FSTL5: variants seen among roughly 807,000 people sequenced by gnomAD.
The protein encoded by FSTL5 is follistatin like 5.
Under a neutral mutation model 89.1 loss-of-function variants are expected in FSTL5, and 62 were observed. The ratio of observed to expected loss-of-function variants is 0.70; its 90% confidence interval spans 0.57 to 0.86. FSTL5 has a LOEUF of 0.86. FSTL5 is among the 40% of genes least tolerant of loss of function. The probability of loss-of-function intolerance (pLI) is 0.00; values close to 1 mark genes in which losing one functional copy is unlikely to be tolerated. For synonymous variants in FSTL5, 383 were observed against 346.2 expected (o/e 1.11, Z -1.18); for missense variants, 1,057 against 1,001.6 (o/e 1.06, Z -0.75).
Position 161,904,171 on chromosome 4 carries a change from A to C in FSTL5, c.409+16233T>G. On this transcript the variant is annotated intron_variant, in intron 4 of 15. Coordinates refer to ENST00000306100, the MANE Select transcript of FSTL5 (RefSeq NM_020116.5). ...CTCAGATTTAATAACAGAGACTCAC[A>C]AGCAAAAAAAAAGAGAAAAAAATCA... Among the ~76,000 whole-genome samples the C allele has an allele frequency of 1.3e-5, 2 of 152,052 alleles. 1 individual carries two copies. The highest frequency in any genetic ancestry group is 3.9e-4 in the East Asian group (2 of 5,190).
intron 10 of FSTL5, among the ~76,000 whole-genome samples, chr4:161,526,080 T>A (rs766420710): frequency 6.6e-6 from 1 of 152,192 alleles, no homozygotes; most frequent in Non-Finnish European, 1.5e-5. Context: ...GGCAAATTTT[T>A]AGGATTACAA....
chr4:161,385,984 C>T lies in FSTL5; in HGVS notation c.2307G>A (p.Val769=), dbSNP rs764897009. ...TCTTGACCTTCCCAGAAGAGAGCTCCACAAAGAGCACATCAGTTTGTGTGC... is the reference window on the plus strand; with the variant it reads ...TCTTGACCTTCCCAGAAGAGAGCTCTACAAAGAGCACATCAGTTTGTGTGC... ...SSSTQTDVLF[V]ELSSGKVKMI... The change falls in exon 16 of 16, where the codon GTG becomes GTA. Residue 769 remains valine, a synonymous_variant. Transcript: ENST00000306100. The T allele has an allele frequency of 1.2e-6, 2 of 1,613,786 alleles. No individual in the cohort carries two copies. Among genetic ancestry groups the T allele is most frequent in the Admixed American group, 1.7e-5 (1 of 59,966 alleles).
chr4:161,457,799 T>C (rs185920152), intron 14 of FSTL5, among the ~76,000 whole-genome samples: 267 of 152,262 alleles, frequency 1.8e-3, no homozygotes, highest in African/African-American at 6.2e-3. Flanking sequence ...ATACAAAATC[T>C]CAATTAACAA....
intron 3 of FSTL5, among the ~76,000 whole-genome samples, chr4:162,032,111 C>T (rs1378202670): frequency 6.6e-6 from 1 of 152,198 alleles, no homozygotes; most frequent in African/African-American, 2.4e-5. Flanking sequence ...TCTACTACTT[C>T]AGATGACATG....
chr4:162,020,322 C>CA (rs1737035512), intron 3 of FSTL5, among the ~76,000 whole-genome samples: 1 of 151,744 alleles, frequency 6.6e-6, no homozygotes, highest in Admixed American at 6.6e-5. Flanking sequence ...AAGTTAAATT[C>CA]AATATTAAAA....
At chr4:161,891,931 T>C (rs193209443) in intron 4 of FSTL5, among the ~76,000 whole-genome samples, 4 of 152,196 alleles carry the variant, frequency 2.6e-5, no homozygotes, top group African/African-American at 4.8e-5. Flanking sequence ...TATATTAGTC[T>C]TTCTCTTCAA....
chr4:162,000,424 C>G lies in FSTL5; in HGVS notation c.160+33201G>C, dbSNP rs186265794. On this transcript the variant is annotated intron_variant, in intron 3 of 15. Transcript: ENST00000306100. ...TGGCCAACATGATGAAACCCCATCT[C>G]TACTAAAAATACAAAAAAACAAAAT... Among the ~76,000 whole-genome samples the G allele has an allele frequency of 2.6e-3, 396 of 151,952 alleles. 1 individual carries two copies. Among genetic ancestry groups the G allele is most frequent in the African/African-American group, 7.1e-3 (296 of 41,446 alleles).
chr4:161,732,164 TC>T (rs1739633364), intron 6 of FSTL5, among the ~76,000 whole-genome samples: 1 of 152,148 alleles, frequency 6.6e-6, no homozygotes, highest in Non-Finnish European at 1.5e-5. Flanking sequence ...TTGCTTCATA[TC>T]TTTGCCAACA....
At chr4:161,852,578 A>G (rs1731588813) in intron 4 of FSTL5, among the ~76,000 whole-genome samples, 1 of 152,214 alleles carries the variant, frequency 6.6e-6, no homozygotes, top group South Asian at 2.1e-4. Context: ...CTAGAGACAG[A>G]AATATCATTT....
chr4:162,035,015 C>T (rs1033596841), intron 2 of FSTL5, among the ~76,000 whole-genome samples: 1 of 152,106 alleles, frequency 6.6e-6, no homozygotes, highest in Admixed American at 6.6e-5. Context: ...ATGTACATTA[C>T]TTGTATTAAA....
intron 10 of FSTL5, among the ~76,000 whole-genome samples, chr4:161,537,395 C>G (rs549984120): frequency 5.9e-5 from 9 of 152,118 alleles, no homozygotes; most frequent in African/African-American, 2.2e-4. Context: ...CACTGTGGCA[C>G]GTGTATACCA....
At chr4:161,995,435 A>G (rs1184463524) in intron 3 of FSTL5, among the ~76,000 whole-genome samples, 2 of 152,150 alleles carry the variant, frequency 1.3e-5, no homozygotes, top group Non-Finnish European at 2.9e-5. Context: ...TTGGCTTGAT[A>G]TTAATATGTC....
intron 10 of FSTL5, among the ~76,000 whole-genome samples, chr4:161,526,528 A>G (rs551828533): frequency 3.3e-5 from 5 of 152,178 alleles, no homozygotes; most frequent in Non-Finnish European, 7.4e-5. Context: ...GCCCATGCCT[A>G]TGTCCTGAAT....
intron 7 of FSTL5, among the ~76,000 whole-genome samples, chr4:161,621,827 C>CAAAAAAAAAAAAAA (rs58143952): frequency 1.1e-5 from 1 of 90,378 alleles, no homozygotes; most frequent in African/African-American, 4.2e-5. Flanking sequence ...TCTAAAAATA[C>CAAAAAAAAAAAAAA]AAAAAAAAAA....
chr4:161,974,939 A>T (rs359480), intron 3 of FSTL5, among the ~76,000 whole-genome samples: 3 of 145,094 alleles, frequency 2.1e-5, no homozygotes, highest in Admixed American at 7.0e-5. Context: ...AAAAGTGGGC[A>T]AAGGACATGA....
chr4:162,058,589 G>A (rs561920130), intron 2 of FSTL5, among the ~76,000 whole-genome samples: 11 of 151,762 alleles, frequency 7.2e-5, no homozygotes, highest in South Asian at 2.1e-4. Flanking sequence ...CACCATGCCC[G>A]GCTAATTTTG....
intron 1 of FSTL5, among the ~76,000 whole-genome samples, chr4:162,138,460 TAAG>T (rs1732600448): frequency 6.6e-6 from 1 of 152,080 alleles, no homozygotes. Flanking sequence ...CTTACCAAAC[TAAG>T]AATAGAAGGA....
intron 15 of FSTL5, among the ~76,000 whole-genome samples, chr4:161,426,336 G>A (rs551289764): frequency 1.3e-5 from 2 of 152,252 alleles, no homozygotes; most frequent in African/African-American, 4.8e-5. Flanking sequence ...TTCAATAGCT[G>A]TAATCATAAT....
intron 4 of FSTL5, among the ~76,000 whole-genome samples, chr4:161,881,203 T>C (rs1732617595): frequency 6.7e-6 from 1 of 148,748 alleles, no homozygotes; most frequent in African/African-American, 2.4e-5. Context: ...ATTTTAATAA[T>C]ATTAATATAT....
Sources: gnomAD v4.1 joint callset for allele counts (sites outside exome capture counted in the v4.1 genomes callset) on GRCh38, gnomAD v4.1.1 for gene constraint, MANE v1.5 for transcripts, NCBI Gene and HGNC (gene_info 2026-07-23, HGNC 2026-07-21) for gene names.